Variants in NRIP1 observed in about 807,000 individuals in gnomAD.
The protein encoded by NRIP1 is nuclear receptor interacting protein 1, also known as nuclear receptor-interacting protein 1.
NRIP1 carries 28 observed loss-of-function variants against 75.0 expected under a neutral mutation model. The ratio of observed to expected loss-of-function variants is 0.37; its 90% CI spans 0.28 to 0.51. The LOEUF is 0.51. Among genes scored for constraint, NRIP1 ranks in the 20% least tolerant of loss-of-function variants. The pLI, the probability that NRIP1 is intolerant of heterozygous loss-of-function variation, is 0.92. For synonymous variants in NRIP1, 526 were observed against 487.6 expected, an observed-to-expected ratio of 1.08 and a Z score of -1.04; for missense variants, 1,435 against 1,343.7, an observed-to-expected ratio of 1.07 and a Z score of -1.06.
intron 3 of NRIP1, among the ~76,000 whole-genome samples, chr21:15,008,435 G>C (rs185837894): frequency 9.1e-4 from 139 of 152,180 alleles, no homozygotes; most frequent in Non-Finnish European, 1.5e-3. Context: ...TCATAAAGAG[G>C]ACTTGAAAGC....
At chr21:15,033,080 C>A (rs1242447029) in intron 2 of NRIP1, among the ~76,000 whole-genome samples, 1 of 151,952 alleles carries the variant, frequency 6.6e-6, no homozygotes, top group Non-Finnish European at 1.5e-5. Flanking sequence ...AAAAAATTAG[C>A]TGGGCATGGT....
chr21:14,970,326 G>C (rs890986952), intron 3 of NRIP1, among the ~76,000 whole-genome samples: 3 of 152,052 alleles, frequency 2.0e-5, no homozygotes, highest in African/African-American at 7.2e-5. Context: ...TGGGTGGATC[G>C]CCTGAGGTCA....
intron 3 of NRIP1, among the ~76,000 whole-genome samples, chr21:14,994,540 A>G (rs1481102117): frequency 6.6e-6 from 1 of 152,216 alleles, no homozygotes; most frequent in African/African-American, 2.4e-5. Flanking sequence ...TATGACATGG[A>G]TCAACTTTAA....
At chr21:14,976,621 T>C (rs1281837356) in intron 3 of NRIP1, among the ~76,000 whole-genome samples, 1 of 152,138 alleles carries the variant, frequency 6.6e-6, no homozygotes, top group African/African-American at 2.4e-5. Flanking sequence ...CATTTTCTGT[T>C]TGGAAATGGT....
chr21:14,972,459 A>G (rs1322974142), intron 3 of NRIP1, among the ~76,000 whole-genome samples: 4 of 152,192 alleles, frequency 2.6e-5, no homozygotes, highest in Non-Finnish European at 5.9e-5. Context: ...TTAAAATGTT[A>G]TTTTAAGTTA....
intron 1 of NRIP1, among the ~76,000 whole-genome samples, chr21:15,056,268 C>G (rs373555433): frequency 6.7e-6 from 1 of 149,162 alleles, no homozygotes; most frequent in African/African-American, 2.5e-5. Flanking sequence ...TTTGTGAAAG[C>G]CCAAGCAAAA....
At chr21:15,062,883 A>G (rs761986187) in intron 1 of NRIP1, among the ~76,000 whole-genome samples, 2 of 152,250 alleles carry the variant, frequency 1.3e-5, no homozygotes, top group African/African-American at 2.4e-5. Flanking sequence ...TGTTAAAATT[A>G]GCAAAATCCA....
intron 2 of NRIP1, among the ~76,000 whole-genome samples, chr21:15,034,987 T>A (rs1369084056): frequency 1.3e-5 from 2 of 152,160 alleles, no homozygotes; most frequent in African/African-American, 4.8e-5. Flanking sequence ...ATTTCCTCAT[T>A]TATTCTGCAT....
intron 2 of NRIP1, among the ~76,000 whole-genome samples, chr21:15,024,728 G>A (rs1269428665): frequency 6.6e-6 from 1 of 151,852 alleles, no homozygotes; most frequent in Non-Finnish European, 1.5e-5. Context: ...GAAATGATGT[G>A]GTATGGGGAA....
chr21:14,988,588 G>C (rs1035340512), intron 3 of NRIP1, among the ~76,000 whole-genome samples: 1 of 151,540 alleles, frequency 6.6e-6, no homozygotes, highest in East Asian at 1.9e-4. Context: ...TAATAATCTA[G>C]GTAATTAATT....
intron 2 of NRIP1, among the ~76,000 whole-genome samples, chr21:15,031,053 T>TCTGGAAGGCGCTCGGAGGATCACC (rs2088664121): frequency 9.9e-6 from 1 of 100,956 alleles, no homozygotes; most frequent in Admixed American, 1.1e-4. Context: ...GGAGGTTCAC[T>TCTGGAAGGCGCTCGGAGGATCACC]ACATTCCCTT....
rs1568935268 is a variant in NRIP1 at position 14,965,166 on chromosome 21, AGG to A, written c.3025_3026del (p.Pro1009CysfsTer7). The A allele has an allele frequency of 6.2e-7, 1 of 1,613,294 alleles. No homozygotes were observed. The highest frequency in any genetic ancestry group is 2.2e-5 in the East Asian group (1 of 44,872). On this transcript the variant is annotated frameshift_variant, in exon 4 of 4. Coordinates refer to ENST00000318948, the MANE Select transcript of NRIP1 (RefSeq NM_003489.4). LOFTEE classifies it high-confidence loss of function. ...TFSYPGVVKT[P>X]VSPTFPEHLG... The stretch of plus-strand genomic sequence containing the variant: ...AGTGCTCAGGGAAAGTAGGACTCAC[AGG>A]AGTTTTTACTACACCTGGGTATGAA...
At chr21:15,054,333 A>C (rs2089263090) in intron 1 of NRIP1, among the ~76,000 whole-genome samples, 1 of 152,208 alleles carries the variant, frequency 6.6e-6, no homozygotes, top group African/African-American at 2.4e-5. Context: ...GATGCTAAGG[A>C]AACTGCCTAG....
At position 14,968,152 on chromosome 21, in the gene NRIP1, T is replaced by TA; in HGVS notation, c.40_41insT (p.Asp14ValfsTer25). 11 of 1,613,668 alleles carry TA rather than the reference T, an allele frequency of 6.8e-6. No individual in the cohort carries two copies. Among genetic ancestry groups the TA allele is most frequent in the Non-Finnish European group, 9.3e-6 (11 of 1,179,802 alleles). On this transcript the variant is annotated frameshift_variant, in exon 4 of 4. Coordinates refer to ENST00000318948, the MANE Select transcript of NRIP1 (RefSeq NM_003489.4). LOFTEE classifies it high-confidence loss of function. ...TTCTAGGTAAGTTAAAACAATAGAATCCTGGTGCACATCAGAGCCAAGCTC... is the reference window on the plus strand; with the variant it reads ...TTCTAGGTAAGTTAAAACAATAGAATACCTGGTGCACATCAGAGCCAAGCTC...
Position 14,973,953 on chromosome 21 carries a change from G to A in NRIP1, c.-334-5427C>T, listed in dbSNP as rs2086977228. 2.0e-5 allele frequency among the ~76,000 whole-genome samples: 3 copies of A among 150,624 alleles called. No homozygotes were observed. In the South Asian group the frequency reaches 6.3e-4, roughly 31 times the overall value. ...TCCTGCCTTAGCCTCTCAAAGTGCT[G>A]GGATTACAGGCGTGAACCACCACAC... On this transcript the variant is annotated intron_variant, in intron 3 of 3. Coordinates refer to ENST00000318948, the MANE Select transcript of NRIP1 (RefSeq NM_003489.4).
chr21:15,047,456 C>T (rs1362648828), intron 1 of NRIP1, among the ~76,000 whole-genome samples: 4 of 152,220 alleles, frequency 2.6e-5, no homozygotes, highest in Admixed American at 2.0e-4. Context: ...GGGAGAATGG[C>T]GTGAACCCAG....
At position 14,963,589 on chromosome 21, in the gene NRIP1, C is replaced by T. The variant is rs2086646184; in HGVS notation, c.*1127G>A. ...TAGTTTTTTGTTTTTGTTTTACAGT[C>T]TCATGTTCTGAGGAAAGTCATAAGT... On this transcript the variant is annotated 3_prime_UTR_variant, in exon 4 of 4. Transcript: ENST00000318948. 6.6e-6 allele frequency: 1 copy of T among 152,214 alleles called. No individual in the cohort carries two copies. Among genetic ancestry groups the T allele is most frequent in the Non-Finnish European group, 1.5e-5 (1 of 67,986 alleles). The allele number at this position is 152,214 out of a possible 1,614,324, so 9.4% of individuals were successfully genotyped here.
intron 1 of NRIP1, among the ~76,000 whole-genome samples, chr21:15,043,998 T>C (rs964875472): frequency 1.3e-5 from 2 of 152,124 alleles, no homozygotes; most frequent in African/African-American, 2.4e-5. Flanking sequence ...TTTGTATTTT[T>C]AGTAGAGACG....
rs569026862 is a variant in NRIP1 at position 14,965,353 on chromosome 21, C to T, written c.2840G>A (p.Arg947Gln). The T allele has an allele frequency of 2.7e-4, 441 of 1,614,056 alleles. 3 individuals carry two copies. The South Asian group carries it at 4.3e-3, about 16-fold the overall frequency. Residue 947 changes from arginine to glutamine, a missense_variant, in exon 4 of 4, where the codon CGA becomes CAA. Coordinates refer to ENST00000318948, the MANE Select transcript of NRIP1 (RefSeq NM_003489.4). ...GTTACTTCTGTGCGGGGACAAATCT[C>T]GCACACAGTTTTCTGAGAGAAGCAG... ...KQLLLSENCVRDLSPHRSNSV... is the reference protein window; with the variant it reads ...KQLLLSENCVQDLSPHRSNSV...
Sources: allele counts gnomAD v4.1 joint callset (sites outside exome capture counted in the v4.1 genomes callset), GRCh38; gene constraint gnomAD v4.1.1; transcripts MANE v1.5; gene names NCBI Gene and HGNC (gene_info 2026-07-23, HGNC 2026-07-21).